The following PGM2 variants were observed in gnomAD, a reference collection of about 807,000 sequenced individuals.
PGM2 encodes phosphopentomutase.
Under a neutral mutation model 74.6 loss-of-function variants are expected in PGM2, and 57 were observed. The observed-to-expected ratio is 0.76, with a 90% CI of 0.62 to 0.95. PGM2 has a LOEUF of 0.95. Ranked by LOEUF, PGM2 falls within the 40% of genes least tolerant of loss-of-function variation. The pLI is 0.00. For synonymous variants in PGM2, 273 were observed against 260.7 expected (o/e 1.05, Z -0.46); for missense variants, 706 against 741.9 (o/e 0.95, Z 0.56).
chr4:37,830,843 C>G (rs541778931), intron 2 of PGM2, among the ~76,000 whole-genome samples: 1 of 152,186 alleles, frequency 6.6e-6, no homozygotes, highest in East Asian at 1.9e-4. Flanking sequence ...GTGTAAAAGG[C>G]AGAGCTGGGC....
chr4:37,848,419 A>G (rs1050433886), intron 10 of PGM2, 103 bp from the exon 11 acceptor site: 1 of 1,006,350 alleles, frequency 9.9e-7, no homozygotes, highest in Non-Finnish European at 1.5e-6. Flanking sequence ...ATGTGCATAC[A>G]CGCAACACTG....
intron 2 of PGM2, among the ~76,000 whole-genome samples, chr4:37,831,330 A>C (rs1473246544): frequency 3.3e-5 from 5 of 152,174 alleles, no homozygotes; most frequent in Admixed American, 6.5e-5. Context: ...TTCATGGATA[A>C]CATAGGAACT....
Position 37,855,731 on chromosome 4 carries a change from C to T in PGM2, c.1726C>T (p.Pro576Ser), listed in dbSNP as rs1465707515. ...GTACTATGCAGAGCTGTGTGCCCCA[C>T]CTGGGAACAGGTATGATGTGGATGG... is the stretch of plus-strand genomic sequence containing the variant. ...IKYYAELCAP[P>S]GNSDPEQLKK... The change falls in exon 13 of 14, where the codon CCT becomes TCT. Residue 576 changes from proline (P) to serine (S), a missense_variant. Coordinates refer to ENST00000381967, the MANE Select transcript of PGM2 (RefSeq NM_018290.4). 3 of 1,610,548 alleles carry T rather than the reference C, an allele frequency of 1.9e-6. No homozygotes were observed. The highest frequency in any genetic ancestry group is 1.7e-6 in the Non-Finnish European group (2 of 1,178,658).
chr4:37,840,490 CTT>C (rs553411399), intron 6 of PGM2, among the ~76,000 whole-genome samples: 351 of 152,346 alleles, frequency 2.3e-3, no homozygotes, highest in African/African-American at 8.1e-3. Flanking sequence ...TCAAGCGATT[CTT>C]GTGCCTCAGC....
At position 37,848,536 on chromosome 4, in the gene PGM2, C is replaced by A. The variant is rs1357296685; in HGVS notation, c.1297C>A (p.Pro433Thr). 1 of 1,613,338 alleles carries A rather than the reference C, an allele frequency of 6.2e-7. No individual in the cohort carries two copies. Among genetic ancestry groups the A allele is most frequent in the Non-Finnish European group, 8.5e-7 (1 of 1,179,550 alleles). The change falls in exon 11 of 14, where the codon CCT becomes ACT. Residue 433 changes from proline (P) to threonine (T), a missense_variant. This residue lies in a region of PGM2 where 359 missense variants were observed against 371.1 expected (regional missense o/e 0.97). Transcript: ENST00000381967. ...FEEAIGYMCCPFVLDKDGVSA... is the reference protein window; with the variant it reads ...FEEAIGYMCCTFVLDKDGVSA... ...TGTTTCTGCAGGATACATGTGCTGC[C>A]CTTTTGTTCTGGACAAAGATGGAGT...
intron 12 of PGM2, among the ~76,000 whole-genome samples, chr4:37,855,016 A>G (rs1223136716): frequency 6.6e-6 from 1 of 152,276 alleles, no homozygotes; most frequent in East Asian, 1.9e-4. Context: ...TACCTCACAT[A>G]TTGATCATGT....
chr4:37,829,809 T>G (rs971465083), intron 1 of PGM2, among the ~76,000 whole-genome samples, 155 bp from the exon 2 acceptor site: 12 of 152,028 alleles, frequency 7.9e-5, no homozygotes, highest in Middle Eastern at 3.4e-3. Flanking sequence ...TGACTTCATA[T>G]TTCAGATTTC....
At chr4:37,830,682 T>C (rs545913614) in intron 2 of PGM2, among the ~76,000 whole-genome samples, 1 of 152,274 alleles carries the variant, frequency 6.6e-6, no homozygotes, top group Admixed American at 6.5e-5. Flanking sequence ...GGCAGTACTG[T>C]TTATGAGGGA....
intron 12 of PGM2, among the ~76,000 whole-genome samples, chr4:37,854,664 C>G (rs1726142513): frequency 6.7e-6 from 1 of 148,752 alleles, no homozygotes; most frequent in South Asian, 2.1e-4. Flanking sequence ...AGCCTGGAAG[C>G]TTTATTTAAA....
intron 13 of PGM2, among the ~76,000 whole-genome samples, chr4:37,858,873 C>T (rs1216418212): frequency 2.0e-5 from 3 of 152,086 alleles, no homozygotes; most frequent in African/African-American, 7.2e-5. Context: ...TTCAAACCTA[C>T]AGAAATGTTG....
At chr4:37,859,236 C>G (rs1439964101) in intron 13 of PGM2, among the ~76,000 whole-genome samples, 2 of 152,170 alleles carry the variant, frequency 1.3e-5, no homozygotes, top group African/African-American at 2.4e-5. Flanking sequence ...ATGCTTCACT[C>G]CTGATATTTC....
intron 2 of PGM2, among the ~76,000 whole-genome samples, chr4:37,830,476 C>A (rs1483260706): frequency 6.6e-6 from 1 of 152,178 alleles, no homozygotes; most frequent in Admixed American, 6.5e-5. Flanking sequence ...CTTTTAAGGT[C>A]CTGTAATTTT....
intron 8 of PGM2, among the ~76,000 whole-genome samples, chr4:37,846,343 G>A (rs1450818844): frequency 6.6e-6 from 1 of 152,212 alleles, no homozygotes; most frequent in Non-Finnish European, 1.5e-5. Context: ...TTTTCAGATT[G>A]TGATAAAACA....
chr4:37,835,208 C>G (rs1319346859), intron 3 of PGM2, among the ~76,000 whole-genome samples: 3 of 152,168 alleles, frequency 2.0e-5, no homozygotes, highest in Non-Finnish European at 4.4e-5. Context: ...TGTATTTACT[C>G]ATTCTATCCT....
intron 13 of PGM2, among the ~76,000 whole-genome samples, chr4:37,856,206 A>G (rs980074107): frequency 1.3e-5 from 2 of 151,930 alleles, no homozygotes; most frequent in African/African-American, 2.4e-5. Context: ...TAACACGGTG[A>G]AACCCCGTCT....
rs114821780 is a variant in PGM2 at position 37,858,110 on chromosome 4, G to A, written c.1736+2369G>A. Among the ~76,000 whole-genome samples, 1,059 of 152,012 alleles carry A rather than the reference G, an allele frequency of 7.0e-3. 19 individuals carry two copies. Among genetic ancestry groups the A allele is most frequent in the African/African-American group, 0.024 (984 of 41,458 alleles). On this transcript the variant is annotated intron_variant, in intron 13 of 13. Coordinates refer to ENST00000381967, the MANE Select transcript of PGM2 (RefSeq NM_018290.4). Reference sequence around the variant, plus strand: ...CTATTTAAATGTTTAAGGCTTTATGGTATTAACATTTTTCACATGGCTTAT... The same window carrying A: ...CTATTTAAATGTTTAAGGCTTTATGATATTAACATTTTTCACATGGCTTAT...
intron 6 of PGM2, among the ~76,000 whole-genome samples, chr4:37,843,990 G>A (rs1179654954): frequency 6.6e-6 from 1 of 152,142 alleles, no homozygotes; most frequent in African/African-American, 2.4e-5. Flanking sequence ...CTGTCGCTTT[G>A]GGGATGTGTG....
Position 37,838,660 on chromosome 4 carries a change from ACT to A in PGM2, c.441+1050_441+1051del, listed in dbSNP as rs3836692. On this transcript the variant is annotated intron_variant, in intron 4 of 13. Coordinates refer to ENST00000381967, the MANE Select transcript of PGM2 (RefSeq NM_018290.4). ...CTAGGCTGTAAATAACCTGCTAGAC[ACT>A]CTATTCACATCTAAATGTAGTTCAG... Among the ~76,000 whole-genome samples the A allele has an allele frequency of 0.013, 1,916 of 152,176 alleles. 150 individuals carry two copies. In the East Asian group the frequency reaches 0.21, roughly 17 times the overall value.
At chr4:37,832,767 A>T (rs1261295404) in intron 2 of PGM2, among the ~76,000 whole-genome samples, 1 of 152,154 alleles carries the variant, frequency 6.6e-6, no homozygotes, top group Non-Finnish European at 1.5e-5. Flanking sequence ...TTTAAGCCAA[A>T]ATCTGCCTTT....
Sources: gnomAD v4.1 joint callset for allele counts (sites outside exome capture counted in the v4.1 genomes callset) on GRCh38, gnomAD v4.1.1 for gene constraint, gnomAD v4.1.1 regional missense constraint, MANE v1.5 for transcripts, NCBI Gene and HGNC (gene_info 2026-07-23, HGNC 2026-07-21) for gene names.